The following ZBTB20 variants were observed in gnomAD, a reference collection of about 807,000 sequenced individuals.
The protein encoded by ZBTB20 is zinc finger and BTB domain-containing protein 20.
A neutral mutation model predicts 56.9 loss-of-function variants in ZBTB20; 9 were observed. That is an observed-to-expected ratio of 0.16 (90% confidence interval 0.10 to 0.28). The LOEUF is 0.28. Among genes scored for constraint, ZBTB20 ranks in the 10% least tolerant of loss-of-function variants. ZBTB20 has a pLI of 1.00. For synonymous variants in ZBTB20, 417 were observed against 420.7 expected (o/e 0.99, Z 0.11); for missense variants, 655 against 1,003.0 (o/e 0.65, Z 4.69).
In ZBTB20 at chr3:114,319,583, G is replaced by A. The variant is rs2078819329; in HGVS notation, c.*19422C>T. On this transcript the variant is annotated 3_prime_UTR_variant, in exon 12 of 12. Coordinates refer to ENST00000675478, the MANE Select transcript of ZBTB20 (RefSeq NM_001348800.3). Reference sequence around the variant, plus strand: ...GGTAAACGGGCCAGTTTGGTATTGGGGAATGTTGACGAAGGGAGATCAGGT... The same window carrying A: ...GGTAAACGGGCCAGTTTGGTATTGGAGAATGTTGACGAAGGGAGATCAGGT... 1 of 152,100 alleles carries A rather than the reference G, an allele frequency of 6.6e-6. No individual in the cohort carries two copies. The highest frequency in any genetic ancestry group is 2.1e-4 in the South Asian group (1 of 4,814). 9.4% of individuals were successfully genotyped at this position (152,100 alleles called of 1,614,324 possible).
chr3:115,053,630 T>C (rs571270663), intron 2 of ZBTB20, among the ~76,000 whole-genome samples: 5 of 152,220 alleles, frequency 3.3e-5, no homozygotes, highest in Non-Finnish European at 5.9e-5. Context: ...CTCACATTTA[T>C]TGATGAGATT....
Position 114,339,145 on chromosome 3 carries a change from G to T in ZBTB20, c.2086C>A (p.Pro696Thr). The T allele has an allele frequency of 6.2e-7, 1 of 1,613,684 alleles. No individual in the cohort carries two copies. The change falls in exon 12 of 12, where the codon CCC becomes ACC. Residue 696 changes from proline to threonine, a missense_variant. By Grantham distance (38) the Pro-to-Thr change is conservative. Coordinates refer to ENST00000675478, the MANE Select transcript of ZBTB20 (RefSeq NM_001348800.3). The surrounding 1 kb of genome is among the most constrained non-coding windows in gnomAD (Gnocchi z 4.2). ...ASNGTPPAGT[P>T]PGARAGPPGV... Reference sequence around the variant, plus strand: ...GGGGGGCCAGCGCGGGCACCTGGGGGTGTGCCTGCAGGGGGGGTCCCATTG... The same window carrying T: ...GGGGGGCCAGCGCGGGCACCTGGGGTTGTGCCTGCAGGGGGGGTCCCATTG...
At chr3:114,484,820 C>CGTGCATGTGTGTGTGT (rs71297434) in intron 7 of ZBTB20, among the ~76,000 whole-genome samples, 1 of 151,120 alleles carries the variant, frequency 6.6e-6, no homozygotes, top group Non-Finnish European at 1.5e-5. Context: ...TGTGTGTGTG[C>CGTGCATGTGTGTGTGT]GCGTGCATGT....
At chr3:114,884,929 G>C (rs954693002) in intron 4 of ZBTB20, among the ~76,000 whole-genome samples, 16 of 152,190 alleles carry the variant, frequency 1.1e-4, no homozygotes, top group African/African-American at 3.9e-4. Context: ...CAATGAAATT[G>C]CTAGGGAGAG....
intron 6 of ZBTB20, among the ~76,000 whole-genome samples, chr3:114,593,534 G>T (rs762089156): frequency 6.6e-6 from 1 of 151,832 alleles, no homozygotes; most frequent in African/African-American, 2.4e-5. Flanking sequence ...ACAGGCATGC[G>T]CCACCACACA....
chr3:114,371,666 T>A (rs10934269), intron 10 of ZBTB20, among the ~76,000 whole-genome samples: 56,714 of 152,022 alleles, frequency 0.37, 10,994 homozygotes, highest in Non-Finnish European at 0.42. Context: ...ATTAAGTTTG[T>A]CCAGAAGCAG....
chr3:114,992,717 C>T (rs1247263814), intron 2 of ZBTB20, among the ~76,000 whole-genome samples: 1 of 151,750 alleles, frequency 6.6e-6, no homozygotes, highest in East Asian at 1.9e-4. Context: ...AAGATTTAGA[C>T]TAGAAAAGTC....
chr3:114,948,403 A>G (rs921589122), intron 3 of ZBTB20, among the ~76,000 whole-genome samples: 2 of 146,166 alleles, frequency 1.4e-5, no homozygotes, highest in African/African-American at 2.8e-5. Flanking sequence ...GCTAGTGCAC[A>G]CAAGTGGTCC....
At chr3:114,861,573 A>C (rs1396858617) in intron 4 of ZBTB20, among the ~76,000 whole-genome samples, 1 of 152,172 alleles carries the variant, frequency 6.6e-6, no homozygotes, top group Non-Finnish European at 1.5e-5. Flanking sequence ...GAATGTGTTC[A>C]GACCTGGTTT....
chr3:115,044,336 T>C (rs2081260928), intron 2 of ZBTB20, among the ~76,000 whole-genome samples: 1 of 152,172 alleles, frequency 6.6e-6, no homozygotes, highest in South Asian at 2.1e-4. Context: ...ACTAAATCCA[T>C]AGAGCTGATT....
At chr3:115,126,582 G>GA (rs1008817505) in intron 1 of ZBTB20, among the ~76,000 whole-genome samples, 5 of 151,564 alleles carry the variant, frequency 3.3e-5, no homozygotes, top group Non-Finnish European at 5.9e-5. Flanking sequence ...TCTTAATGTT[G>GA]AAAAAAAAGC....
At chr3:114,766,800 A>C (rs1405874255) in intron 5 of ZBTB20, among the ~76,000 whole-genome samples, 2 of 152,088 alleles carry the variant, frequency 1.3e-5, no homozygotes, top group Admixed American at 6.6e-5. Context: ...TAGAAAATTC[A>C]AACCCTACAA....
chr3:114,765,086 G>A (rs1190879020), intron 5 of ZBTB20, among the ~76,000 whole-genome samples: 2 of 152,128 alleles, frequency 1.3e-5, no homozygotes, highest in East Asian at 3.9e-4. Flanking sequence ...GAGGAGGTGA[G>A]GGAGAAATAA....
At chr3:114,868,102 A>T (rs2075842494) in intron 4 of ZBTB20, among the ~76,000 whole-genome samples, 1 of 152,248 alleles carries the variant, frequency 6.6e-6, no homozygotes, top group African/African-American at 2.4e-5. Flanking sequence ...AGGAAGCTGC[A>T]ACAGCTGGGA....
At chr3:115,043,244 C>T (rs2081209885) in intron 2 of ZBTB20, among the ~76,000 whole-genome samples, 1 of 151,960 alleles carries the variant, frequency 6.6e-6, no homozygotes, top group African/African-American at 2.4e-5. Flanking sequence ...GAGTTTAGAA[C>T]TTCTTTAATA....
chr3:114,553,185 T>C (rs992271355), intron 6 of ZBTB20, among the ~76,000 whole-genome samples: 4 of 152,186 alleles, frequency 2.6e-5, no homozygotes, highest in South Asian at 4.1e-4. Context: ...TAGTGACATA[T>C]AAGGACCTTA....
chr3:114,699,260 T>C (rs1324479456), intron 5 of ZBTB20, among the ~76,000 whole-genome samples: 2 of 152,234 alleles, frequency 1.3e-5, no homozygotes, highest in South Asian at 2.1e-4. Context: ...GAAAAAGTCA[T>C]GGGATATCAA....
At chr3:114,529,761 C>A (rs917020710) in intron 6 of ZBTB20, among the ~76,000 whole-genome samples, 1 of 152,200 alleles carries the variant, frequency 6.6e-6, no homozygotes, top group Admixed American at 6.5e-5. Flanking sequence ...ATTGTGACAA[C>A]CACAGCCTTT....
chr3:115,058,011 G>A (rs1041705470), intron 2 of ZBTB20, among the ~76,000 whole-genome samples: 1 of 151,996 alleles, frequency 6.6e-6, no homozygotes, highest in Non-Finnish European at 1.5e-5. Context: ...AAGAAGTGCT[G>A]AGCAAAAGGG....
Sources: allele counts gnomAD v4.1 joint callset (sites outside exome capture counted in the v4.1 genomes callset), GRCh38; gene constraint gnomAD v4.1.1; non-coding constraint Gnocchi (gnomAD v3.1); transcripts MANE v1.5; gene names NCBI Gene and HGNC (gene_info 2026-07-23, HGNC 2026-07-21).